The following FSTL4 variants were observed in gnomAD, a reference collection of about 807,000 sequenced individuals.
The protein encoded by FSTL4 is follistatin-related protein 4.
FSTL4 carries 28 observed loss-of-function variants against 78.2 expected under a neutral mutation model. The ratio of observed to expected loss-of-function variants is 0.36; its 90% CI spans 0.27 to 0.49. FSTL4 has a LOEUF of 0.49. FSTL4 is among the 20% of genes least tolerant of loss of function. The probability of loss-of-function intolerance (pLI) is 0.98; values close to 1 mark genes in which losing one functional copy is unlikely to be tolerated. For missense variants in FSTL4, 922 were observed against 1,084.9 expected (o/e 0.85, Z 2.11); for synonymous variants, 422 against 440.5 (o/e 0.96, Z 0.53).
chr5:133,655,743 A>G, the FSTL4 span, among the ~76,000 whole-genome samples: 1 of 152,234 alleles, frequency 6.6e-6, no homozygotes, highest in South Asian at 2.1e-4. Context: ...AGAGAGGAAC[A>G]AAGCCAAGAC....
chr5:133,819,856 G>A, the FSTL4 span, among the ~76,000 whole-genome samples: 7 of 152,322 alleles, frequency 4.6e-5, no homozygotes, highest in South Asian at 2.1e-4. Flanking sequence ...TCAAATGACA[G>A]TGTGGCAGCC....
At chr5:133,751,743 A>G in the FSTL4 span, among the ~76,000 whole-genome samples, 1 of 152,240 alleles carries the variant, frequency 6.6e-6, no homozygotes, top group Non-Finnish European at 1.5e-5. Context: ...CACCTAGAAT[A>G]AATAGTCTTT....
chr5:133,808,851 G>GC, the FSTL4 span, among the ~76,000 whole-genome samples: 2 of 76,726 alleles, frequency 2.6e-5, no homozygotes, highest in Non-Finnish European at 5.5e-5. Flanking sequence ...CTCACTCCCC[G>GC]CCCCCCGCCA....
the FSTL4 span, among the ~76,000 whole-genome samples, chr5:133,733,957 G>C: frequency 9.2e-5 from 14 of 152,234 alleles, no homozygotes; most frequent in African/African-American, 3.4e-4. Context: ...GGACGTTTCT[G>C]CAGGCTGCTT....
intron 3 of FSTL4, among the ~76,000 whole-genome samples, chr5:133,565,440 T>C (rs1003946438): frequency 6.6e-6 from 1 of 152,186 alleles, no homozygotes; most frequent in African/African-American, 2.4e-5. Flanking sequence ...CACTGGGCTA[T>C]TTCAGGAACT....
At chr5:133,447,803 G>A (rs565383777) in intron 3 of FSTL4, among the ~76,000 whole-genome samples, 310 of 152,318 alleles carry the variant, frequency 2.0e-3, no homozygotes, top group Middle Eastern at 0.01. Flanking sequence ...GCCTCCCAAA[G>A]TGCTGGGATT....
At chr5:133,493,831 G>A (rs1321833805) in intron 3 of FSTL4, among the ~76,000 whole-genome samples, 1 of 152,106 alleles carries the variant, frequency 6.6e-6, no homozygotes, top group Non-Finnish European at 1.5e-5. Flanking sequence ...TATATGTTTG[G>A]ATTGAGGAGA....
chr5:133,642,268 C>A, the FSTL4 span, among the ~76,000 whole-genome samples: 1 of 152,224 alleles, frequency 6.6e-6, no homozygotes, highest in South Asian at 2.1e-4. Flanking sequence ...GTGGCAGGGG[C>A]AGTTTCAGCA....
the FSTL4 span, among the ~76,000 whole-genome samples, chr5:133,666,405 T>G: frequency 6.6e-6 from 1 of 152,204 alleles, no homozygotes; most frequent in Non-Finnish European, 1.5e-5. Flanking sequence ...ATTTTATTGT[T>G]CCCTATTCCC....
intron 6 of FSTL4, among the ~76,000 whole-genome samples, chr5:133,256,317 A>G (rs1408091971): frequency 6.6e-6 from 1 of 152,216 alleles, no homozygotes; most frequent in South Asian, 2.1e-4. Context: ...GTGCCACCAA[A>G]GAAGCTGGGG....
chr5:133,693,388 T>C, the FSTL4 span, among the ~76,000 whole-genome samples: 3 of 152,334 alleles, frequency 2.0e-5, no homozygotes, highest in African/African-American at 7.2e-5. Context: ...TATACAATTA[T>C]GAAAAATTTT....
intron 3 of FSTL4, among the ~76,000 whole-genome samples, chr5:133,465,269 C>T (rs1282797153): frequency 6.6e-6 from 1 of 152,204 alleles, no homozygotes; most frequent in African/African-American, 2.4e-5. Context: ...CTTACCCACC[C>T]TTCAAAGTCA....
the FSTL4 span, among the ~76,000 whole-genome samples, chr5:133,738,890 C>G: frequency 6.6e-6 from 1 of 152,176 alleles, no homozygotes; most frequent in Admixed American, 6.5e-5. Flanking sequence ...CCCCACAGAC[C>G]TAACCCACAC....
chr5:133,387,365 G>A (rs189791569), intron 4 of FSTL4, among the ~76,000 whole-genome samples: 2 of 152,240 alleles, frequency 1.3e-5, no homozygotes, highest in African/African-American at 4.8e-5. Flanking sequence ...ATGAGATGAC[G>A]TCCATACAGC....
chr5:133,755,143 A>G, the FSTL4 span, among the ~76,000 whole-genome samples: 1 of 151,484 alleles, frequency 6.6e-6, no homozygotes, highest in Non-Finnish European at 1.5e-5. Flanking sequence ...TTCCTTCTCT[A>G]CCCATCACTC....
the FSTL4 span, among the ~76,000 whole-genome samples, chr5:133,640,719 A>G: frequency 6.6e-6 from 1 of 152,180 alleles, no homozygotes; most frequent in Non-Finnish European, 1.5e-5. Context: ...ATGAGTTCAA[A>G]ATACTGAACA....
chr5:133,568,376 C>T (rs1172289612), intron 2 of FSTL4, among the ~76,000 whole-genome samples: 4 of 152,192 alleles, frequency 2.6e-5, no homozygotes, highest in Non-Finnish European at 5.9e-5. Flanking sequence ...AGCAACAGTG[C>T]TTTTTAAGGT....
the FSTL4 span, among the ~76,000 whole-genome samples, chr5:133,707,290 C>T: frequency 1.2e-4 from 18 of 152,354 alleles, no homozygotes; most frequent in South Asian, 3.1e-3. Flanking sequence ...GGACGCTCCC[C>T]TCTCACTGAT....
In FSTL4 at chr5:133,538,324, A is replaced by C. The variant is rs530243422; in HGVS notation, c.160+28862T>G. 2.6e-5 allele frequency among the ~76,000 whole-genome samples: 4 copies of C among 152,258 alleles called. No individual in the cohort carries two copies. In the South Asian group the frequency reaches 8.3e-4, roughly 32 times the overall value. ...GTTTCCTCCTAAGATTCAAGTTATA[A>C]ATTTTTCACAGGAATACCAAAGAAT... is the stretch of plus-strand genomic sequence containing the variant. On this transcript the variant is annotated intron_variant, in intron 3 of 15. Transcript: ENST00000265342.
Sources: gnomAD v4.1 joint callset for allele counts (sites outside exome capture counted in the v4.1 genomes callset) on GRCh38, gnomAD v4.1.1 for gene constraint, MANE v1.5 for transcripts, NCBI Gene and HGNC (gene_info 2026-07-23, HGNC 2026-07-21) for gene names.